Variants in ZNF248 observed in about 807,000 individuals in gnomAD.
The protein encoded by ZNF248 is zinc finger protein 248, also known as KRAB protein domain.
ZNF248 carries 20 observed loss-of-function variants against 44.3 expected under a neutral mutation model. The observed-to-expected ratio is 0.45, with a 90% CI of 0.32 to 0.66. The LOEUF (loss-of-function observed/expected upper bound fraction) is 0.66, where lower values mean the gene tolerates loss of function less well. Ranked by LOEUF, ZNF248 falls within the 30% of genes least tolerant of loss-of-function variation. ZNF248 has a pLI of 0.04. For missense variants in ZNF248, 654 were observed against 677.0 expected, an observed-to-expected ratio of 0.97 and a Z score of 0.38; for synonymous variants, 224 against 229.0, an observed-to-expected ratio of 0.98 and a Z score of 0.20.
chr10:37,784,591 T>C (rs2047671009), intron 6 of ZNF248, among the ~76,000 whole-genome samples: 1 of 152,234 alleles, frequency 6.6e-6, no homozygotes, highest in African/African-American at 2.4e-5. Flanking sequence ...GCTATTAAAC[T>C]GCAAAAGGAT....
At position 37,829,397 on chromosome 10, in the gene ZNF248, GA is replaced by G. The variant is rs1589587794; in HGVS notation, c.*2217del. 1.0e-6 allele frequency: 1 copy of G among 985,386 alleles called. No individual in the cohort carries two copies. 61.0% of individuals were successfully genotyped at this position (985,386 alleles called of 1,614,324 possible). A position where few individuals can be genotyped will look rare whatever the true frequency, so the allele number is the denominator to read the frequency against. The stretch of plus-strand genomic sequence containing the variant: ...AGTTGGAGAATTCTGTTTTCCACCA[GA>G]AAGAACCATGGCTGATACAAACAGC... On this transcript the variant is annotated 3_prime_UTR_variant, in exon 6 of 6. Transcript: ENST00000395867.
At chr10:37,815,966 C>A (rs1002931144) in intron 6 of ZNF248, among the ~76,000 whole-genome samples, 1 of 147,112 alleles carries the variant, frequency 6.8e-6, no homozygotes, top group African/African-American at 2.5e-5. Flanking sequence ...AGGTCCCAGT[C>A]CTTACATTTC....
At chr10:37,779,786 C>T (rs559124022) in intron 6 of ZNF248, among the ~76,000 whole-genome samples, 3,076 of 149,350 alleles carry the variant, frequency 0.021, 121 homozygotes, top group East Asian at 0.11. Context: ...AGCCCAAAAT[C>T]TCCTTAAGCT....
intron 5 of ZNF248, among the ~76,000 whole-genome samples, chr10:37,833,886 T>A (rs563453169): frequency 3.3e-5 from 5 of 152,212 alleles, no homozygotes; most frequent in African/African-American, 7.2e-5. Context: ...GTTGTTTTTT[T>A]AAAAAGGAAA....
At chr10:37,852,400 C>T (rs1411188224) in intron 3 of ZNF248, among the ~76,000 whole-genome samples, 7 of 152,104 alleles carry the variant, frequency 4.6e-5, no homozygotes, top group African/African-American at 7.2e-5. Flanking sequence ...TGTATGTTTC[C>T]TTTTCTGTAG....
rs1045172162 is a variant in ZNF248, at chr10:37,797,017, G to T, written c.331-20442C>A. Among the ~76,000 whole-genome samples, 45 of 151,952 alleles carry T rather than the reference G, an allele frequency of 3.0e-4. 1 individual carries two copies. Among genetic ancestry groups the T allele is most frequent in the Non-Finnish European group, 2.9e-5 (2 of 67,994 alleles). ...AAGGAGAGAATTATAACATCTAATAGTAATTAAGTCTAACTGATTTAATCC... is the reference window on the plus strand; with the variant it reads ...AAGGAGAGAATTATAACATCTAATATTAATTAAGTCTAACTGATTTAATCC... On this transcript the variant is annotated intron_variant, in intron 6 of 6. Coordinates refer to the ZNF248 transcript ENST00000615949.
At chr10:37,853,311 T>C (rs182787725) in intron 3 of ZNF248, among the ~76,000 whole-genome samples, 1 of 152,182 alleles carries the variant, frequency 6.6e-6, no homozygotes, top group East Asian at 1.9e-4. Flanking sequence ...GGAAAAAAGA[T>C]CAATTGCCTT....
At chr10:37,818,213 G>T (rs181601801) in intron 6 of ZNF248, among the ~76,000 whole-genome samples, 136 of 152,248 alleles carry the variant, frequency 8.9e-4, no homozygotes, top group Non-Finnish European at 1.7e-3. Flanking sequence ...ACTGTGCCCG[G>T]CCTTCTAGTC....
At chr10:37,820,634 T>G in intron 6 of ZNF248, 1 of 1,542,536 alleles carries the variant, frequency 6.5e-7, no homozygotes, top group South Asian at 1.1e-5. Context: ...TTGGCTAGTT[T>G]CATGTGGTTC....
chr10:37,787,507 G>GTTTA (rs66872559), intron 6 of ZNF248, among the ~76,000 whole-genome samples: 2 of 150,344 alleles, frequency 1.3e-5, no homozygotes, highest in Non-Finnish European at 1.5e-5. Context: ...TCGGTTTTTG[G>GTTTA]TTTATTTATT....
intron 3 of ZNF248, among the ~76,000 whole-genome samples, chr10:37,840,978 C>T (rs2058236548): frequency 6.6e-6 from 1 of 152,094 alleles, no homozygotes; most frequent in Non-Finnish European, 1.5e-5. Flanking sequence ...CAAGCTGAAG[C>T]AGTTGGAACA....
downstream of ZNF248, chr10:37,776,208 C>T (rs1467815303): frequency 2.2e-5 from 4 of 181,012 alleles, no homozygotes; most frequent in Non-Finnish European, 4.6e-5. Flanking sequence ...GCCCAGTGAT[C>T]TCTCCCTGCA....
chr10:37,855,299 C>T (rs991411108), intron 3 of ZNF248, among the ~76,000 whole-genome samples: 2 of 152,144 alleles, frequency 1.3e-5, no homozygotes, highest in African/African-American at 4.8e-5. Context: ...GATTAAATGT[C>T]ACCCTACCTG....
At chr10:37,781,701 A>T (rs138195418) in intron 6 of ZNF248, among the ~76,000 whole-genome samples, 336 of 152,276 alleles carry the variant, frequency 2.2e-3, no homozygotes, top group African/African-American at 7.7e-3. Flanking sequence ...GAAAGGTGTG[A>T]TTGAGGCTTA....
At chr10:37,828,671 T>C, downstream of ZNF248, 4 of 985,220 alleles carry the variant, frequency 4.1e-6, no homozygotes, top group Non-Finnish European at 4.8e-6. Context: ...AAAGTTGCAT[T>C]GAGCAGTCAA....
chr10:37,780,829 G>A (rs79806277), intron 6 of ZNF248, among the ~76,000 whole-genome samples: 7 of 152,144 alleles, frequency 4.6e-5, no homozygotes, highest in African/African-American at 1.7e-4. Context: ...TCCTCAGCTC[G>A]CCTGCTTGTC....
At chr10:37,853,850 C>A (rs185585506) in intron 3 of ZNF248, among the ~76,000 whole-genome samples, 49 of 152,232 alleles carry the variant, frequency 3.2e-4, no homozygotes, top group Non-Finnish European at 2.6e-4. Flanking sequence ...AATAAAACTT[C>A]TTTGGGGTAA....
downstream of ZNF248, among the ~76,000 whole-genome samples, chr10:37,824,630 G>A (rs936749113): frequency 3.6e-5 from 5 of 137,204 alleles, no homozygotes; most frequent in Non-Finnish European, 6.2e-5. Flanking sequence ...TAATCTTAAT[G>A]TTAAGACTGC....
intron 6 of ZNF248, among the ~76,000 whole-genome samples, chr10:37,788,876 C>CT (rs58103226): frequency 0.2 from 29,482 of 146,244 alleles, 3,200 homozygotes; most frequent in East Asian, 0.3. Context: ...TCTAGAAAGA[C>CT]TTTTTTTTTT....
Sources: allele counts gnomAD v4.1 joint callset (sites outside exome capture counted in the v4.1 genomes callset), GRCh38; gene constraint gnomAD v4.1.1; transcripts MANE v1.5; gene names NCBI Gene and HGNC (gene_info 2026-07-23, HGNC 2026-07-21).